Variants in TRAF4 observed in about 807,000 individuals in gnomAD.
TRAF4 encodes the protein TNF receptor-associated factor 4.
TRAF4 carries 9 observed loss-of-function variants against 47.3 expected under a neutral mutation model. That is an observed-to-expected ratio of 0.19 (90% confidence interval 0.11 to 0.33). TRAF4 has a LOEUF of 0.33. TRAF4 is among the 10% of genes least tolerant of loss of function. The probability of loss-of-function intolerance (pLI) is 1.00; values close to 1 mark genes in which losing one functional copy is unlikely to be tolerated. For synonymous variants in TRAF4, 236 were observed against 236.9 expected (o/e 1.00, Z 0.04); for missense variants, 448 against 620.3 (o/e 0.72, Z 2.95).
chr17:28,749,473 C>T lies in TRAF4; in HGVS notation c.1309C>T (p.Pro437Ser). The change falls in exon 7 of 7, where the codon CCC (proline) becomes TCC (serine). Residue 437 changes from proline (P) to serine (S), a missense_variant. By Grantham distance (74) the Pro-to-Ser change is moderately conservative. Coordinates refer to ENST00000262395, the MANE Select transcript of TRAF4 (RefSeq NM_004295.4). ...TGAGAGTTCTCTGGGCTTTGGTTAT[C>T]CCAAGTTCATCTCCCACCAGGACAT... ...LDESSLGFGY[P>S]KFISHQDIRK... 5.0e-6 allele frequency: 8 copies of T among 1,613,906 alleles called. No homozygotes were observed. Among genetic ancestry groups the T allele is most frequent in the Non-Finnish European group, 6.8e-6 (8 of 1,180,024 alleles).
chr17:28,749,913 G>A lies in TRAF4; in HGVS notation c.*336G>A, dbSNP rs1046411191. The A allele has an allele frequency of 1.4e-6, 1 of 700,072 alleles. No homozygotes were observed. Among genetic ancestry groups the A allele is most frequent in the Non-Finnish European group, 2.6e-6 (1 of 384,360 alleles). 43.4% of individuals were successfully genotyped at this position (700,072 alleles called of 1,614,324 possible). A position where few individuals can be genotyped will look rare whatever the true frequency, so the allele number is the denominator to read the frequency against. On this transcript the variant is annotated 3_prime_UTR_variant, in exon 7 of 7. Coordinates refer to ENST00000262395, the MANE Select transcript of TRAF4 (RefSeq NM_004295.4). ...GTGCTATGTCCCAAGAGCCATAAGG[G>A]GGTGGGAATTGGGGAGGGAGAAAGG...
Position 28,750,030 on chromosome 17 carries a change from G to T in TRAF4, c.*453G>T. ...TATTTATTTCCTTAGTGCCAGGAGGGCACAGCAGGGGAGCCCTGATTTTTA... is the reference window on the plus strand; with the variant it reads ...TATTTATTTCCTTAGTGCCAGGAGGTCACAGCAGGGGAGCCCTGATTTTTA... On this transcript the variant is annotated 3_prime_UTR_variant, in exon 7 of 7. Coordinates refer to ENST00000262395, the MANE Select transcript of TRAF4 (RefSeq NM_004295.4). The T allele has an allele frequency of 1.7e-6, 1 of 600,398 alleles. No homozygotes were observed. The highest frequency in any genetic ancestry group is 3.0e-6 in the Non-Finnish European group (1 of 334,938). The allele number at this position is 600,398 out of a possible 1,614,324, so 37.2% of individuals were successfully genotyped here.
rs137945668 is a variant in TRAF4, at chr17:28,748,498, T to A, written c.625-13T>A. On this transcript the variant is annotated splice_polypyrimidine_tract_variant and intron_variant, in intron 5 of 6. Transcript: ENST00000262395. ...GGATATTGACTCCTGCCTCTCTACT[T>A]CTGTGGCCCCAGAGCCACCAGTACC... 1 of 1,612,050 alleles carries A rather than the reference T, an allele frequency of 6.2e-7. No individual in the cohort carries two copies. The highest frequency in any genetic ancestry group is 2.2e-5 in the East Asian group (1 of 44,828).
rs373050140 is a variant in TRAF4 at position 28,749,314 on chromosome 17, C to T, written c.1150C>T (p.Arg384Cys). ...CAATCTCCTTGAGTGGCCCTTTGCC[C>T]GCCGTGTCACCTTCTCCCTGCTGGA... The part of the protein sequence containing the change: ...FDNLLEWPFA[R>C]RVTFSLLDQS... Residue 384 changes from arginine to cysteine, a missense_variant, in exon 7 of 7, where the codon CGC (arginine) becomes TGC (cysteine). Transcript: ENST00000262395. 2.3e-5 allele frequency: 37 copies of T among 1,613,968 alleles called. No individual in the cohort carries two copies. Among genetic ancestry groups the T allele is most frequent in the Admixed American group, 6.7e-5 (4 of 60,002 alleles).
At chr17:28,745,035 C>G (rs1214904194) in intron 1 of TRAF4, 1 of 152,324 alleles carries the variant, frequency 6.6e-6, no homozygotes, top group Non-Finnish European at 1.5e-5. Flanking sequence ...ACGCAGGGAA[C>G]CCCTCAGGCC....
rs1404718343 is a variant in TRAF4 at position 28,749,539 on chromosome 17, C to G, written c.1375C>G (p.Arg459Gly). ...NYVRDDAVFI[R>G]AAVELPRKIL... ...TGTGCGGGATGATGCAGTCTTCATC[C>G]GTGCTGCTGTTGAACTGCCCCGGAA... Residue 459 changes from arginine to glycine, a missense_variant, in exon 7 of 7, where the codon CGT becomes GGT. Arg to Gly is a moderately radical substitution (Grantham distance 125, BLOSUM62 -2). Transcript: ENST00000262395. 5 of 1,613,550 alleles carry G rather than the reference C, an allele frequency of 3.1e-6. No individual in the cohort carries two copies. The highest frequency in any genetic ancestry group is 1.7e-5 in the Admixed American group (1 of 60,006).
chr17:28,749,089 G>T lies in TRAF4; in HGVS notation c.925G>T (p.Val309Leu), dbSNP rs768115861. The change falls in exon 7 of 7, where the codon GTG (valine) becomes TTG (leucine). Residue 309 changes from valine to leucine, a missense_variant. By Grantham distance (32) the Val-to-Leu change is conservative. Transcript: ENST00000262395. ...GGAGCTATCAGTGGGCAGTGATGGCGTGCTCATCTGGAAGATTGGCAGCTA... is the reference window on the plus strand; with the variant it reads ...GGAGCTATCAGTGGGCAGTGATGGCTTGCTCATCTGGAAGATTGGCAGCTA... The part of the protein sequence containing the change: ...LEELSVGSDG[V>L]LIWKIGSYGR... The T allele has an allele frequency of 1.2e-6, 2 of 1,613,990 alleles. No individual in the cohort carries two copies. The highest frequency in any genetic ancestry group is 1.7e-6 in the Non-Finnish European group (2 of 1,180,052).
chr17:28,747,988 G>A (rs2034541561), intron 3 of TRAF4, 29 bp from the exon 4 acceptor site: 1 of 1,614,022 alleles, frequency 6.2e-7, no homozygotes, highest in South Asian at 1.1e-5. Context: ...CTCTCCCTTG[G>A]CAGGCACTAA....
intron 2 of TRAF4, 60 bp from the exon 3 acceptor site, chr17:28,747,783 T>C: frequency 6.5e-7 from 1 of 1,532,054 alleles, no homozygotes; most frequent in Non-Finnish European, 8.9e-7. Context: ...GGTCTAGGGG[T>C]GGGAACTGGG....
Position 28,747,439 on chromosome 17 carries a change from T to A in TRAF4, c.195+175T>A, listed in dbSNP as rs1475780012. On this transcript the variant is annotated intron_variant, in intron 2 of 6. Coordinates refer to ENST00000262395, the MANE Select transcript of TRAF4 (RefSeq NM_004295.4). ...GCCAGTTTGCAAACGAGGCCCCTGT[T>A]TGCCCTGGAGGGCATGCACAATGCC... 3 of 755,654 alleles carry A rather than the reference T, an allele frequency of 4.0e-6. No individual in the cohort carries two copies. In the African/African-American group the frequency reaches 5.3e-5, roughly 13 times the overall value. The allele number at this position is 755,654 out of a possible 1,614,324, so 46.8% of individuals were successfully genotyped here. A position where few individuals can be genotyped will look rare whatever the true frequency, so the allele number is the denominator to read the frequency against.
Position 28,748,891 on chromosome 17 carries a change from C to G in TRAF4, c.781-54C>G. 4 of 1,558,312 alleles carry G rather than the reference C, an allele frequency of 2.6e-6. No homozygotes were observed. The South Asian group carries it at 4.9e-5, about 19-fold the overall frequency. ...CCACTCCTCTCCTCTCCCTGGACCT[C>G]CCCCTACTGATAACTCTCCTCCCTT... On this transcript the variant is annotated intron_variant, in intron 6 of 6. Transcript: ENST00000262395.
In TRAF4 at chr17:28,748,430, C is replaced by T. The variant is rs1453154625; in HGVS notation, c.624+7C>T. 6.2e-7 allele frequency: 1 copy of T among 1,605,624 alleles called. No individual in the cohort carries two copies. Among genetic ancestry groups the T allele is most frequent in the Middle Eastern group, 1.7e-4 (1 of 6,046 alleles). ...CGTCTTTGACACCATCCAGGTGAGG[C>T]CTTCCCTGAACTGTGGGTTGCAGGG... On this transcript the variant is annotated splice_region_variant and intron_variant, in intron 5 of 6. Transcript: ENST00000262395.
At chr17:28,747,329 G>A (rs2034529593) in intron 2 of TRAF4, 65 bp downstream of exon 2, 2 of 1,573,972 alleles carry the variant, frequency 1.3e-6, no homozygotes. Context: ...CGGAGCTGCT[G>A]GCAGCCAGTG....
At position 28,744,168 on chromosome 17, in the gene TRAF4, C is replaced by G. The variant is rs764052795; in HGVS notation, c.56C>G (p.Pro19Arg). 6.3e-7 allele frequency: 1 copy of G among 1,596,560 alleles called. No individual in the cohort carries two copies. The highest frequency in any genetic ancestry group is 8.5e-7 in the Non-Finnish European group (1 of 1,178,356). ...LEKPKRRLLC[P>R]LCGKPMREPV... ...AAGCCCAAGCGACGGCTGCTGTGCC[C>G]ACTGTGCGGGAAGCCCATGCGCGAG... The change falls in exon 1 of 7, where the codon CCA becomes CGA. Residue 19 changes from proline to arginine, a missense_variant. Physicochemically the swap from Pro to Arg is moderately radical, Grantham distance 103. Transcript: ENST00000262395.
rs939996338 is a variant in TRAF4 at position 28,750,702 on chromosome 17, G to A, written c.*1125G>A. 1.3e-5 allele frequency: 2 copies of A among 152,172 alleles called. No individual in the cohort carries two copies. The highest frequency in any genetic ancestry group is 1.9e-4 in the East Asian group (1 of 5,198). The allele number at this position is 152,172 out of a possible 1,614,324, so 9.4% of individuals were successfully genotyped here. A position where few individuals can be genotyped will look rare whatever the true frequency, so the allele number is the denominator to read the frequency against. ...TCAGTGGGTGCATGTGATTATCCAC[G>A]TTTCACCTATGAAACATGAACAGAG... On this transcript the variant is annotated 3_prime_UTR_variant, in exon 7 of 7. Transcript: ENST00000262395.
In TRAF4 at chr17:28,749,196, C is replaced by T. The variant is rs756279336; in HGVS notation, c.1032C>T (p.Tyr344=). 6 of 1,614,092 alleles carry T rather than the reference C, an allele frequency of 3.7e-6. No homozygotes were observed. The highest frequency in any genetic ancestry group is 2.2e-5 in the East Asian group (1 of 44,892). Residue 344 remains tyrosine, a synonymous_variant, in exon 7 of 7, where the codon TAC becomes TAT. Coordinates refer to ENST00000262395, the MANE Select transcript of TRAF4 (RefSeq NM_004295.4). ...CCTTCTACACACATAAGTATGGTTA[C>T]AAGCTGCAGGTGTCTGCATTCCTCA... ...SPAFYTHKYG[Y]KLQVSAFLNG... is the part of the protein sequence containing the mutation.
At position 28,749,843 on chromosome 17, in the gene TRAF4, C is replaced by CCT; in HGVS notation, c.*267_*268dup. The CCT allele has an allele frequency of 1.4e-6, 1 of 711,092 alleles. No individual in the cohort carries two copies. The highest frequency in any genetic ancestry group is 2.5e-6 in the Non-Finnish European group (1 of 393,462). 44.0% of individuals were successfully genotyped at this position (711,092 alleles called of 1,614,324 possible). The stretch of plus-strand genomic sequence containing the variant: ...TCCCTTCTTGGGTAGGGCAGACATG[C>CCT]CTTGGTGCCGGTCACACTCTACACG... On this transcript the variant is annotated 3_prime_UTR_variant, in exon 7 of 7. Transcript: ENST00000262395.
chr17:28,747,179 G>A (rs2034525965), intron 1 of TRAF4, 34 bp from the exon 2 acceptor site: 11 of 1,609,084 alleles, frequency 6.8e-6, no homozygotes, highest in African/African-American at 5.3e-5. Flanking sequence ...TTCCCCTAAT[G>A]AGAAACCTTT....
In TRAF4 at chr17:28,744,181, G is replaced by A. The variant is rs1371216439; in HGVS notation, c.69G>A (p.Lys23=). The change falls in exon 1 of 7, where the codon AAG becomes AAA. Residue 23 remains lysine, a synonymous_variant. Transcript: ENST00000262395. Reference sequence around the variant, plus strand: ...GGCTGCTGTGCCCACTGTGCGGGAAGCCCATGCGCGAGCCTGTGCAGGTTT... The same window carrying A: ...GGCTGCTGTGCCCACTGTGCGGGAAACCCATGCGCGAGCCTGTGCAGGTTT... The part of the protein sequence containing the change: ...KRRLLCPLCG[K]PMREPVQVST... 1 of 1,594,100 alleles carries A rather than the reference G, an allele frequency of 6.3e-7. No homozygotes were observed. Among genetic ancestry groups the A allele is most frequent in the African/African-American group, 1.3e-5 (1 of 74,462 alleles).
Sources: gnomAD v4.1 joint callset for allele counts on GRCh38, gnomAD v4.1.1 for gene constraint, MANE v1.5 for transcripts, NCBI Gene and HGNC (gene_info 2026-07-23, HGNC 2026-07-21) for gene names.